The following TCF3 variants were observed in gnomAD, a reference collection of about 807,000 sequenced individuals.
TCF3 encodes transcription factor 3.
A neutral mutation model predicts 72.3 loss-of-function variants in TCF3; 54 were observed. That is an observed-to-expected ratio of 0.75 (90% CI 0.60 to 0.94). The LOEUF (loss-of-function observed/expected upper bound fraction) is 0.94. TCF3 is among the 40% of genes least tolerant of loss of function. TCF3 has a pLI of 0.00. For synonymous variants in TCF3, 525 were observed against 412.6 expected, an observed-to-expected ratio of 1.27 and a Z score of -3.30; for missense variants, 1,078 against 934.4, an observed-to-expected ratio of 1.15 and a Z score of -2.00.
chr19:1,634,470 C>T (rs1239494171), intron 3 of TCF3, among the ~76,000 whole-genome samples: 3 of 152,208 alleles, frequency 2.0e-5, no homozygotes, highest in African/African-American at 4.8e-5. Flanking sequence ...GCCCCAGGAG[C>T]GGCCCACCCC....
At chr19:1,648,716 G>C (rs970671347) in intron 2 of TCF3, among the ~76,000 whole-genome samples, 1 of 151,744 alleles carries the variant, frequency 6.6e-6, no homozygotes, top group Non-Finnish European at 1.5e-5. Flanking sequence ...TTTTGTTTTT[G>C]ACAGACCTCA....
At chr19:1,624,128 T>C in intron 7 of TCF3, 128 bp from the exon 8 acceptor site, 1 of 840,686 alleles carries the variant, frequency 1.2e-6, no homozygotes, top group Admixed American at 2.3e-5. Context: ...CTGGGTGCGG[T>C]GCCTCATGCC....
At chr19:1,628,984 G>T (rs1228133626) in intron 5 of TCF3, among the ~76,000 whole-genome samples, 1 of 74,778 alleles carries the variant, frequency 1.3e-5, no homozygotes, top group Non-Finnish European at 2.7e-5. Flanking sequence ...GGGTGAGGCG[G>T]GAAGGGGACA....
rs1340925438 is a variant in TCF3, at chr19:1,652,435, C to A, written c.-175G>T. Reference sequence around the variant, plus strand: ...TGGGCGGCGGCGGCGGCGCGCGTGGCCCGGGCCCCTCCCACCCCCGCGTGG... The same window carrying A: ...TGGGCGGCGGCGGCGGCGCGCGTGGACCGGGCCCCTCCCACCCCCGCGTGG... On this transcript the variant is annotated 5_prime_UTR_variant, in exon 1 of 19. Transcript: ENST00000262965. 7.0e-6 allele frequency: 1 copy of A among 142,826 alleles called. No individual in the cohort carries two copies. The highest frequency in any genetic ancestry group is 1.6e-5 in the Non-Finnish European group (1 of 64,400). 8.8% of individuals were successfully genotyped at this position (142,826 alleles called of 1,614,324 possible).
chr19:1,629,442 G>T (rs953871433), intron 5 of TCF3, among the ~76,000 whole-genome samples: 1 of 152,176 alleles, frequency 6.6e-6, no homozygotes, highest in Admixed American at 6.5e-5. Flanking sequence ...ACAAAGGACA[G>T]GTGAGGCCTC....
rs775067860 is a variant in TCF3, at chr19:1,611,856, G to A, written c.1823-7C>T. The A allele has an allele frequency of 2.5e-6, 4 of 1,608,246 alleles. No individual in the cohort carries two copies. The highest frequency in any genetic ancestry group is 2.5e-6 in the Non-Finnish European group (3 of 1,177,678). On this transcript the variant is annotated splice_polypyrimidine_tract_variant and splice_region_variant and intron_variant, in intron 18 of 18. Coordinates refer to ENST00000262965, the MANE Select transcript of TCF3 (RefSeq NM_003200.5). ...TTGGGATTCAGGTTCCGCTCTGGAG[G>A]GAGGGGGGAGAGCTCTGTGGGAGAC...
At chr19:1,642,654 G>A (rs1478885336) in intron 3 of TCF3, among the ~76,000 whole-genome samples, 1 of 152,166 alleles carries the variant, frequency 6.6e-6, no homozygotes, top group Non-Finnish European at 1.5e-5. Context: ...TATTAAATGA[G>A]ACAGGCCGTG....
intron 8 of TCF3, among the ~76,000 whole-genome samples, chr19:1,622,651 C>T (rs1417144991): frequency 2.0e-5 from 3 of 152,184 alleles, no homozygotes; most frequent in African/African-American, 7.2e-5. Flanking sequence ...CCTCCCTGAA[C>T]TTCTGACCTT....
At chr19:1,643,605 T>G (rs2065649293) in intron 3 of TCF3, among the ~76,000 whole-genome samples, 1 of 152,156 alleles carries the variant, frequency 6.6e-6, no homozygotes, top group South Asian at 2.1e-4. Context: ...AGCCTTGACC[T>G]CCTGGCCTCA....
chr19:1,641,283 G>T (rs745422510), intron 3 of TCF3, among the ~76,000 whole-genome samples: 1 of 151,886 alleles, frequency 6.6e-6, no homozygotes, highest in South Asian at 2.1e-4. Flanking sequence ...AATCTCAGAA[G>T]GTTGCAAACT....
At chr19:1,650,348 A>G in intron 1 of TCF3, 61 bp from the exon 2 acceptor site, 1 of 1,283,882 alleles carries the variant, frequency 7.8e-7, no homozygotes, top group Non-Finnish European at 1.1e-6. Flanking sequence ...AAGAGTTGTG[A>G]GTGGTCAAAG....
rs545398372 is a variant in TCF3 at position 1,623,561 on chromosome 19, T to G, written c.549+390A>C. Reference sequence around the variant, plus strand: ...ACCACGCCCGGCTGATTTTTGTATTTTTAGTAGAGATGGGGTTTCACCATG... The same window carrying G: ...ACCACGCCCGGCTGATTTTTGTATTGTTAGTAGAGATGGGGTTTCACCATG... On this transcript the variant is annotated intron_variant, in intron 8 of 18. Transcript: ENST00000262965. Among the ~76,000 whole-genome samples the G allele has an allele frequency of 2.6e-4, 39 of 152,068 alleles. 1 individual carries two copies. In the South Asian group the frequency reaches 8.1e-3, roughly 32 times the overall value.
chr19:1,631,328 G>A (rs2144869228), intron 5 of TCF3, among the ~76,000 whole-genome samples: 1 of 152,054 alleles, frequency 6.6e-6, no homozygotes, highest in East Asian at 1.9e-4. Context: ...GAGGGCAATG[G>A]CGTGATCTCG....
At chr19:1,634,521 C>T (rs553369079) in intron 3 of TCF3, among the ~76,000 whole-genome samples, 9 of 152,298 alleles carry the variant, frequency 5.9e-5, no homozygotes, top group Admixed American at 2.6e-4. Context: ...GTGTGGAAGC[C>T]GCCCACCTGC....
At chr19:1,632,878 A>AG in intron 3 of TCF3, among the ~76,000 whole-genome samples, 1 of 152,302 alleles carries the variant, frequency 6.6e-6, no homozygotes, top group African/African-American at 2.4e-5. Flanking sequence ...GGGGAGGCCC[A>AG]GGGTCTCCCT....
intron 3 of TCF3, among the ~76,000 whole-genome samples, chr19:1,644,230 C>T (rs2065744260): frequency 6.6e-6 from 1 of 152,234 alleles, no homozygotes; most frequent in Non-Finnish European, 1.5e-5. Flanking sequence ...AGGTGCCCAT[C>T]TTGCGGGAGC....
intron 1 of TCF3, among the ~76,000 whole-genome samples, chr19:1,651,639 G>A (rs1027585758): frequency 7.2e-5 from 11 of 152,112 alleles, no homozygotes; most frequent in Admixed American, 6.5e-4. Flanking sequence ...CGAAGGCGGG[G>A]GGCGCGCTGG....
chr19:1,648,224 G>C (rs2066425499), intron 2 of TCF3, among the ~76,000 whole-genome samples: 2 of 152,322 alleles, frequency 1.3e-5, no homozygotes, highest in East Asian at 1.9e-4. Flanking sequence ...GCTTCCCCTA[G>C]GACCCAGCCT....
At chr19:1,624,037 C>T (rs140533767) in intron 7 of TCF3, 37 bp from the exon 8 acceptor site, 9 of 1,607,032 alleles carry the variant, frequency 5.6e-6, no homozygotes, top group Non-Finnish European at 6.8e-6. Context: ...CGGCCACCGG[C>T]CATGAGAACA....
Sources: gnomAD v4.1 joint callset for allele counts (sites outside exome capture counted in the v4.1 genomes callset) on GRCh38, gnomAD v4.1.1 for gene constraint, MANE v1.5 for transcripts, NCBI Gene and HGNC (gene_info 2026-07-23, HGNC 2026-07-21) for gene names.